Variants in ADGRB3 observed in about 807,000 individuals in gnomAD.
The protein encoded by ADGRB3 is brain-specific angiogenesis inhibitor 3.
ADGRB3 carries 37 observed loss-of-function variants against 193.4 expected under a neutral mutation model. The ratio of observed to expected loss-of-function variants is 0.19; its 90% CI spans 0.15 to 0.25. The LOEUF (loss-of-function observed/expected upper bound fraction) is 0.25, where lower values mean the gene tolerates loss of function less well. Among genes scored for constraint, ADGRB3 ranks in the 10% least tolerant of loss-of-function variants. The pLI is 1.00. For synonymous variants in ADGRB3, 690 were observed against 644.2 expected, an observed-to-expected ratio of 1.07 and a Z score of -1.08; for missense variants, 1,637 against 1,852.9, an observed-to-expected ratio of 0.88 and a Z score of 2.14.
intron 17 of ADGRB3, among the ~76,000 whole-genome samples, chr6:69,146,370 C>A (rs1198631556): frequency 6.6e-6 from 1 of 152,222 alleles, no homozygotes; most frequent in Non-Finnish European, 1.5e-5. Flanking sequence ...AGGAAACAGG[C>A]ACTTCTGAGC....
At chr6:68,918,420 A>G (rs1376212522) in intron 3 of ADGRB3, among the ~76,000 whole-genome samples, 3 of 152,198 alleles carry the variant, frequency 2.0e-5, no homozygotes, top group Non-Finnish European at 4.4e-5. Context: ...TTCTGAAAAT[A>G]CAAAATCACT....
At chr6:68,940,493 T>A (rs1160729240) in intron 5 of ADGRB3, among the ~76,000 whole-genome samples, 2 of 151,614 alleles carry the variant, frequency 1.3e-5, no homozygotes, top group African/African-American at 4.8e-5. Flanking sequence ...GTGTACTCTT[T>A]ATGTACTTTA....
intron 10 of ADGRB3, among the ~76,000 whole-genome samples, chr6:68,986,404 C>T (rs889433874): frequency 2.0e-5 from 3 of 152,184 alleles, no homozygotes; most frequent in Admixed American, 2.0e-4. Flanking sequence ...CCTATCATAT[C>T]GTCTCCAGAC....
chr6:69,333,791 G>A (rs1435545377), intron 24 of ADGRB3, among the ~76,000 whole-genome samples: 2 of 150,938 alleles, frequency 1.3e-5, no homozygotes, highest in Non-Finnish European at 3.0e-5. Context: ...TTAGCCGGGC[G>A]AGGTGGTGGG....
At chr6:68,786,461 T>C (rs1408698023) in intron 3 of ADGRB3, among the ~76,000 whole-genome samples, 4 of 152,200 alleles carry the variant, frequency 2.6e-5, no homozygotes, top group Non-Finnish European at 5.9e-5. Flanking sequence ...ATCAGATAGT[T>C]GTAGATATGC....
chr6:68,696,518 A>G (rs920506355), intron 3 of ADGRB3, among the ~76,000 whole-genome samples: 4 of 151,846 alleles, frequency 2.6e-5, no homozygotes, highest in African/African-American at 7.2e-5. Flanking sequence ...TGGATAAGGA[A>G]ATTCCTGAAC....
chr6:68,731,448 C>A (rs1048219869), intron 3 of ADGRB3, among the ~76,000 whole-genome samples: 2 of 151,266 alleles, frequency 1.3e-5, no homozygotes, highest in Non-Finnish European at 3.0e-5. Context: ...CAAAAAAGCC[C>A]GTAGTTTCAA....
chr6:68,739,687 G>A (rs1434151924), intron 3 of ADGRB3, among the ~76,000 whole-genome samples: 1 of 152,076 alleles, frequency 6.6e-6, no homozygotes, highest in African/African-American at 2.4e-5. Context: ...TGAAATAGTT[G>A]ACCAGAAAAG....
intron 17 of ADGRB3, among the ~76,000 whole-genome samples, chr6:69,226,774 T>A (rs555882921): frequency 2.8e-4 from 43 of 152,348 alleles, no homozygotes; most frequent in African/African-American, 1.0e-3. Flanking sequence ...TGGGGCTGGT[T>A]AATTGCGTAT....
intron 3 of ADGRB3, among the ~76,000 whole-genome samples, chr6:68,678,435 C>T (rs1476758699): frequency 6.6e-6 from 1 of 152,160 alleles, no homozygotes; most frequent in African/African-American, 2.4e-5. Context: ...AAGTCCCACC[C>T]TTCCCGGAAA....
chr6:68,687,942 T>C (rs990355169), intron 3 of ADGRB3, among the ~76,000 whole-genome samples: 2 of 152,142 alleles, frequency 1.3e-5, no homozygotes, highest in African/African-American at 4.8e-5. Context: ...GTACACTAGG[T>C]TTTAGTAGAA....
At chr6:69,027,614 A>G (rs1770476132) in intron 13 of ADGRB3, among the ~76,000 whole-genome samples, 1 of 152,194 alleles carries the variant, frequency 6.6e-6, no homozygotes, top group African/African-American at 2.4e-5. Flanking sequence ...TGTAGGTACT[A>G]AAAGGATCAT....
At chr6:68,948,369 C>T (rs1394394210) in intron 6 of ADGRB3, among the ~76,000 whole-genome samples, 1 of 152,114 alleles carries the variant, frequency 6.6e-6, no homozygotes, top group Non-Finnish European at 1.5e-5. Context: ...GATTTGATCA[C>T]TTTAGAACCC....
rs567553558 is a variant in ADGRB3 at position 69,177,886 on chromosome 6, G to A, written c.2481-55404G>A. ...TGGCCAATCTTGGAATATGGTCCAT[G>A]TGCAGATGAGGAAAATGTATATTCT... is the stretch of plus-strand genomic sequence containing the variant. On this transcript the variant is annotated intron_variant, in intron 17 of 31. Coordinates refer to ENST00000370598, the MANE Select transcript of ADGRB3 (RefSeq NM_001704.3). Among the ~76,000 whole-genome samples, 235 of 152,304 alleles carry A rather than the reference G, an allele frequency of 1.5e-3. 3 individuals are homozygous for A. Among genetic ancestry groups the A allele is most frequent in the African/African-American group, 5.2e-3 (218 of 41,578 alleles).
chr6:69,356,134 C>T (rs1378767699), intron 28 of ADGRB3, among the ~76,000 whole-genome samples: 1 of 152,072 alleles, frequency 6.6e-6, no homozygotes, highest in Admixed American at 6.6e-5. Context: ...CACACAGTTA[C>T]TCTTCAGACA....
At chr6:69,219,143 T>A (rs760662879) in intron 17 of ADGRB3, among the ~76,000 whole-genome samples, 2 of 151,970 alleles carry the variant, frequency 1.3e-5, no homozygotes, top group Non-Finnish European at 2.9e-5. Flanking sequence ...TGAAAATTGT[T>A]CTGTTAGTAA....
chr6:68,735,953 G>A (rs561182811), intron 3 of ADGRB3, among the ~76,000 whole-genome samples: 6 of 152,140 alleles, frequency 3.9e-5, no homozygotes, highest in African/African-American at 1.4e-4. Context: ...TTTGCATTAT[G>A]GGTAAAGAAC....
chr6:69,295,172 G>A lies in ADGRB3; in HGVS notation c.2815-29700G>A, dbSNP rs187788933. ...TTCAATTATCCGTGTCAGTAGATTC[G>A]GTGATCTTTGAATCCATATCTAATA... On this transcript the variant is annotated intron_variant, in intron 20 of 31. Coordinates refer to ENST00000370598, the MANE Select transcript of ADGRB3 (RefSeq NM_001704.3). Among the ~76,000 whole-genome samples the A allele has an allele frequency of 4.9e-4, 74 of 152,234 alleles. 2 individuals are homozygous for A. The Middle Eastern group carries it at 0.01, about 21-fold the overall frequency.
intron 3 of ADGRB3, among the ~76,000 whole-genome samples, chr6:68,920,723 C>T (rs1767019393): frequency 6.6e-6 from 1 of 151,630 alleles, no homozygotes; most frequent in African/African-American, 2.4e-5. Context: ...CAACTTTGGC[C>T]CATTCTCTGT....
Sources: gnomAD v4.1 joint callset for allele counts (sites outside exome capture counted in the v4.1 genomes callset) on GRCh38, gnomAD v4.1.1 for gene constraint, MANE v1.5 for transcripts, NCBI Gene and HGNC (gene_info 2026-07-23, HGNC 2026-07-21) for gene names.